RBFOX1: variants seen among roughly 807,000 people sequenced by gnomAD.
RBFOX1 encodes RNA binding protein fox-1 homolog 1.
RBFOX1 carries 8 observed loss-of-function variants against 57.7 expected under a neutral mutation model. The ratio of observed to expected loss-of-function variants is 0.14; its 90% confidence interval spans 0.08 to 0.25. The LOEUF (loss-of-function observed/expected upper bound fraction) is 0.25. Ranked by LOEUF, RBFOX1 falls within the 10% of genes least tolerant of loss-of-function variation. The probability of loss-of-function intolerance (pLI) is 1.00; values close to 1 mark genes in which losing one functional copy is unlikely to be tolerated. For missense variants in RBFOX1, 611 were observed against 548.5 expected (o/e 1.11, Z -1.14); for synonymous variants, 326 against 222.4 (o/e 1.47, Z -4.15).
At chr16:7,413,762 C>G (rs2098452890) in intron 4 of RBFOX1, among the ~76,000 whole-genome samples, 1 of 152,062 alleles carries the variant, frequency 6.6e-6, no homozygotes. Context: ...AGTTTAATGA[C>G]AAGAGTATTT....
intron 4 of RBFOX1, among the ~76,000 whole-genome samples, chr16:7,086,101 C>T (rs2059942132): frequency 6.6e-6 from 1 of 152,188 alleles, no homozygotes; most frequent in Non-Finnish European, 1.5e-5. Context: ...TTCTCTCCAT[C>T]ATGCTTAGCC....
chr16:7,132,986 T>A (rs917177365), intron 4 of RBFOX1, among the ~76,000 whole-genome samples: 1 of 152,168 alleles, frequency 6.6e-6, no homozygotes, highest in Non-Finnish European at 1.5e-5. Flanking sequence ...AACAAACCGT[T>A]ATACCAGGAA....
chr16:6,391,504 C>G (rs1313356339), intron 2 of RBFOX1, among the ~76,000 whole-genome samples: 2 of 143,322 alleles, frequency 1.4e-5, no homozygotes, highest in Non-Finnish European at 1.5e-5. Flanking sequence ...AACAAGACTC[C>G]GTCTCAAAAA....
At chr16:7,071,446 A>AG (rs1387770380) in intron 4 of RBFOX1, among the ~76,000 whole-genome samples, 1 of 152,150 alleles carries the variant, frequency 6.6e-6, no homozygotes, top group Non-Finnish European at 1.5e-5. Flanking sequence ...GATCATTTAA[A>AG]GGATATATAT....
chr16:5,914,788 A>G (rs1378378103), intron 4 of RBFOX1, among the ~76,000 whole-genome samples: 1 of 152,138 alleles, frequency 6.6e-6, no homozygotes, highest in African/African-American at 2.4e-5. Context: ...CCAGCTACTC[A>G]GGAGGCTGAG....
At chr16:5,852,339 C>T (rs1348418522) in intron 3 of RBFOX1, among the ~76,000 whole-genome samples, 3 of 152,008 alleles carry the variant, frequency 2.0e-5, no homozygotes, top group African/African-American at 4.8e-5. Context: ...ACAGGAAGGG[C>T]CTGTCTAGAG....
Position 5,738,865 on chromosome 16 carries a change from G to C in RBFOX1, c.319-128438G>C, listed in dbSNP as rs536395537. Among the ~76,000 whole-genome samples the C allele has an allele frequency of 3.9e-5, 6 of 152,132 alleles. No homozygotes were observed. The East Asian group carries it at 7.7e-4, about 20-fold the overall frequency. On this transcript the variant is annotated intron_variant, in intron 3 of 19. Transcript: ENST00000641259. ...AGCTCATCTAAACCTTAGCTAGAGG[G>C]GTTTCCTTAATGTCAACATTGATGC...
At chr16:5,568,479 A>G (rs1208304286) in intron 2 of RBFOX1, among the ~76,000 whole-genome samples, 1 of 152,032 alleles carries the variant, frequency 6.6e-6, no homozygotes, top group Non-Finnish European at 1.5e-5. Context: ...TTTCACCATC[A>G]GTGTTCGTCA....
chr16:5,504,779 G>A (rs1206032335), intron 2 of RBFOX1, among the ~76,000 whole-genome samples: 3 of 152,216 alleles, frequency 2.0e-5, no homozygotes, highest in Non-Finnish European at 4.4e-5. Flanking sequence ...GGATGCGGAG[G>A]CTTGGGAAGA....
intron 4 of RBFOX1, among the ~76,000 whole-genome samples, chr16:7,111,732 A>G (rs988234738): frequency 1.3e-4 from 19 of 150,614 alleles, no homozygotes; most frequent in African/African-American, 4.2e-4. Flanking sequence ...GTCTTTATAA[A>G]ATTATTCTGA....
At chr16:7,511,370 C>G (rs1056901854) in intron 4 of RBFOX1, among the ~76,000 whole-genome samples, 3 of 152,138 alleles carry the variant, frequency 2.0e-5, no homozygotes, top group Non-Finnish European at 4.4e-5. Flanking sequence ...AAAACAACGA[C>G]AACAACAAAA....
intron 3 of RBFOX1, among the ~76,000 whole-genome samples, chr16:7,040,812 C>T (rs1362724335): frequency 6.6e-6 from 1 of 152,078 alleles, no homozygotes; most frequent in Non-Finnish European, 1.5e-5. Flanking sequence ...CATAATATTC[C>T]GTAGTATAGG....
chr16:7,370,950 G>C (rs2097554156), intron 4 of RBFOX1, among the ~76,000 whole-genome samples: 1 of 152,216 alleles, frequency 6.6e-6, no homozygotes, highest in Non-Finnish European at 1.5e-5. Flanking sequence ...GATGCATGGT[G>C]ACCCCAGAAG....
chr16:6,347,737 C>T (rs1215169864), intron 2 of RBFOX1, among the ~76,000 whole-genome samples: 1 of 152,206 alleles, frequency 6.6e-6, no homozygotes, highest in African/African-American at 2.4e-5. Context: ...GACACATTCA[C>T]AGTACACAGT....
chr16:6,916,535 G>A (rs1320734847), intron 3 of RBFOX1, among the ~76,000 whole-genome samples: 6 of 151,254 alleles, frequency 4.0e-5, no homozygotes, highest in African/African-American at 1.2e-4. Flanking sequence ...AGGACCATTA[G>A]TGGCACAGAT....
intron 2 of RBFOX1, among the ~76,000 whole-genome samples, chr16:6,543,860 AAAG>A (rs749923528): frequency 6.6e-6 from 1 of 152,188 alleles, no homozygotes; most frequent in East Asian, 1.9e-4. Flanking sequence ...AAAAAAACCA[AAAG>A]AAGAAGAAGG....
At chr16:7,121,686 A>C (rs767980166) in intron 4 of RBFOX1, among the ~76,000 whole-genome samples, 1 of 152,030 alleles carries the variant, frequency 6.6e-6, no homozygotes, top group African/African-American at 2.4e-5. Context: ...TTTTGTAGCT[A>C]TAAACGTGAA....
intron 10 of RBFOX1, among the ~76,000 whole-genome samples, chr16:7,612,854 A>T (rs544398676): frequency 1.3e-5 from 2 of 151,080 alleles, no homozygotes; most frequent in Admixed American, 1.3e-4. Flanking sequence ...ATATCTGCCA[A>T]CTCATTTCTG....
At chr16:6,755,623 C>G (rs2075667657) in intron 3 of RBFOX1, among the ~76,000 whole-genome samples, 1 of 152,152 alleles carries the variant, frequency 6.6e-6, no homozygotes, top group South Asian at 2.1e-4. Flanking sequence ...AACTGTGGCT[C>G]TTTTAACTGT....
Sources: allele counts gnomAD v4.1 joint callset (sites outside exome capture counted in the v4.1 genomes callset), GRCh38; gene constraint gnomAD v4.1.1; transcripts MANE v1.5; gene names NCBI Gene and HGNC (gene_info 2026-07-23, HGNC 2026-07-21).